Variants in ATR observed in about 807,000 individuals in gnomAD.
ATR encodes serine/threonine-protein kinase ATR.
A neutral mutation model predicts 305.3 loss-of-function variants in ATR; 142 were observed. The observed-to-expected ratio is 0.47, with a 90% CI of 0.41 to 0.53. The LOEUF (loss-of-function observed/expected upper bound fraction) is 0.53, where lower values mean the gene tolerates loss of function less well. Ranked by LOEUF, ATR falls within the 20% of genes least tolerant of loss-of-function variation. The probability of loss-of-function intolerance (pLI) is 0.00; values close to 1 mark genes in which losing one functional copy is unlikely to be tolerated. For missense variants in ATR, 2,135 were observed against 3,133.1 expected (o/e 0.68, Z 7.60); for synonymous variants, 1,050 against 1,068.1 (o/e 0.98, Z 0.33).
intron 36 of ATR, among the ~76,000 whole-genome samples, chr3:142,473,338 C>T (rs1238468393): frequency 2.6e-5 from 4 of 152,066 alleles, no homozygotes; most frequent in African/African-American, 9.7e-5. Context: ...TGTCCCAACA[C>T]CATTTATTGA....
At chr3:142,542,796 G>T in intron 16 of ATR, 39 bp from the exon 17 acceptor site, 1 of 1,456,266 alleles carries the variant, frequency 6.9e-7, no homozygotes, top group Middle Eastern at 1.8e-4. Flanking sequence ...GCTTTATACA[G>T]ATTGAATTTC....
At chr3:142,468,179 A>T in intron 38 of ATR, 111 bp from the exon 39 acceptor site, 2 of 1,295,714 alleles carry the variant, frequency 1.5e-6, no homozygotes, top group Non-Finnish European at 2.1e-6. Flanking sequence ...GAGAGTTTAT[A>T]TGATACAAAT....
intron 46 of ATR, chr3:142,450,264 C>CT (rs1261611695): frequency 1.1e-5 from 8 of 725,002 alleles, no homozygotes; most frequent in Non-Finnish European, 1.7e-5. Flanking sequence ...CAACAGCCAA[C>CT]TTTCCCTTTT....
In ATR at chr3:142,516,865, C is replaced by T. The variant is rs368178920; in HGVS notation, c.4383-1350G>A. On this transcript the variant is annotated intron_variant, in intron 24 of 46. Coordinates refer to ENST00000350721, the MANE Select transcript of ATR (RefSeq NM_001184.4). ...TTAACATTTAAACATGTTCACACAG[C>T]TCTCATCTTACGGCTACCTGTGTGT... Among the ~76,000 whole-genome samples the T allele has an allele frequency of 2.0e-5, 3 of 152,034 alleles. No individual in the cohort carries two copies. The East Asian group carries it at 5.8e-4, about 29-fold the overall frequency.
intron 9 of ATR, 56 bp from the exon 10 acceptor site, chr3:142,556,195 T>C (rs1038410779): frequency 1.3e-6 from 2 of 1,586,498 alleles, no homozygotes; most frequent in East Asian, 4.5e-5. Context: ...GTGGTCTAAA[T>C]AGTCTTGCTT....
chr3:142,490,049 T>C (rs985700133), intron 35 of ATR, among the ~76,000 whole-genome samples: 3 of 152,182 alleles, frequency 2.0e-5, no homozygotes, highest in African/African-American at 7.2e-5. Flanking sequence ...TCCAAGACTT[T>C]TGCAGATCTG....
intron 36 of ATR, among the ~76,000 whole-genome samples, chr3:142,484,825 A>G (rs1403823264): frequency 1.3e-5 from 2 of 152,112 alleles, no homozygotes; most frequent in Non-Finnish European, 2.9e-5. Flanking sequence ...GTGTATGGGG[A>G]AAAAAACCCA....
chr3:142,469,924 G>A (rs1192138583), intron 37 of ATR, among the ~76,000 whole-genome samples, 162 bp downstream of exon 37: 1 of 152,092 alleles, frequency 6.6e-6, no homozygotes, highest in African/African-American at 2.4e-5. Flanking sequence ...TCTATGATTT[G>A]TCTTTCCTTT....
intron 41 of ATR, among the ~76,000 whole-genome samples, chr3:142,464,605 AG>A (rs2071087764): frequency 6.6e-6 from 1 of 152,246 alleles, no homozygotes. Context: ...AATAATGCCA[AG>A]TGATTTAAGC....
In ATR at chr3:142,522,838, C is replaced by T. The variant is rs753896390; in HGVS notation, c.4156G>A (p.Gly1386Arg). 22 of 1,599,844 alleles carry T rather than the reference C, an allele frequency of 1.4e-5. No homozygotes were observed. The highest frequency in any genetic ancestry group is 1.9e-5 in the Non-Finnish European group (22 of 1,167,870). The change falls in exon 23 of 47, where the codon GGA becomes AGA. Residue 1386 changes from glycine (G) to arginine (R), a missense_variant. Physicochemically the swap from Gly to Arg is moderately radical, Grantham distance 125. This residue lies in a region of ATR where 530 missense variants were observed against 766.8 expected (regional missense o/e 0.69). Transcript: ENST00000350721. ...TAGGCAAAGCTTGAATCTTCTACTC[C>T]AGTCTCAATCAGAAAAAAAAAAAAG... ...TQGKDFTFVTGVEDSSFAYGL... is the reference protein window; with the variant it reads ...TQGKDFTFVTRVEDSSFAYGL...
At chr3:142,472,779 A>G (rs2071320947) in intron 36 of ATR, among the ~76,000 whole-genome samples, 2 of 152,260 alleles carry the variant, frequency 1.3e-5, no homozygotes, top group African/African-American at 4.8e-5. Flanking sequence ...CTGGGACTGC[A>G]GGTGCATACC....
intron 3 of ATR, among the ~76,000 whole-genome samples, chr3:142,563,428 C>T (rs1199499793): frequency 6.6e-6 from 1 of 152,164 alleles, no homozygotes; most frequent in Middle Eastern, 3.2e-3. Context: ...ATATTTCAAA[C>T]ATTTTCATTA....
At chr3:142,499,096 G>A in intron 31 of ATR, 1 of 380,860 alleles carries the variant, frequency 2.6e-6, no homozygotes. Flanking sequence ...GCCCAGACTG[G>A]TCTAGAGCTC....
intron 46 of ATR, 181 bp downstream of exon 46, chr3:142,452,947 C>A: frequency 1.4e-6 from 2 of 1,464,042 alleles, no homozygotes; most frequent in South Asian, 1.4e-5. Context: ...GTTAACATTA[C>A]TGACAATAAA....
chr3:142,512,296 G>A lies in ATR; in HGVS notation c.4816C>T (p.His1606Tyr). Residue 1606 changes from histidine (H) to tyrosine (Y), a missense_variant, in exon 27 of 47, where the codon CAC (histidine) becomes TAC (tyrosine). Coordinates refer to ENST00000350721, the MANE Select transcript of ATR (RefSeq NM_001184.4). ...FQALKAEKCP[H>Y]SKSNRNKVDS... ...ACCTTATTTCTGTTTGATTTGCTGT[G>A]TGGACATTTCTCAGCTTTCAGTGCC... 6.2e-7 allele frequency: 1 copy of A among 1,610,492 alleles called. No homozygotes were observed. The highest frequency in any genetic ancestry group is 8.5e-7 in the Non-Finnish European group (1 of 1,178,416).
At chr3:142,509,800 C>A (rs2032453790) in intron 27 of ATR, among the ~76,000 whole-genome samples, 1 of 151,788 alleles carries the variant, frequency 6.6e-6, no homozygotes, top group African/African-American at 2.4e-5. Flanking sequence ...ACTTTTGAAT[C>A]ATTACAAATG....
chr3:142,505,585 A>G (rs532828578), intron 28 of ATR, among the ~76,000 whole-genome samples: 1 of 152,352 alleles, frequency 6.6e-6, no homozygotes, highest in Non-Finnish European at 1.5e-5. Flanking sequence ...AAAACTGTCT[A>G]GATCCAAATG....
chr3:142,465,309 C>T lies in ATR; in HGVS notation c.6898-69G>A, dbSNP rs115906468. On this transcript the variant is annotated intron_variant, in intron 40 of 46. Coordinates refer to ENST00000350721, the MANE Select transcript of ATR (RefSeq NM_001184.4). ...TGTGTAAATGTCTATATATTATAAACCTTGAGTTATGTAAAAAAAAAAAAA... is the reference window on the plus strand; with the variant it reads ...TGTGTAAATGTCTATATATTATAAATCTTGAGTTATGTAAAAAAAAAAAAA... The T allele has an allele frequency of 4.9e-4, 611 of 1,243,120 alleles. 1 individual carries two copies. The African/African-American group carries it at 6.8e-3, about 14-fold the overall frequency. 77.0% of individuals were successfully genotyped at this position (1,243,120 alleles called of 1,614,324 possible).
At chr3:142,521,094 C>A (rs1365824857) in intron 23 of ATR, among the ~76,000 whole-genome samples, 1 of 151,996 alleles carries the variant, frequency 6.6e-6, no homozygotes, top group Non-Finnish European at 1.5e-5. Context: ...ACTATATACC[C>A]ATAAAAATTG....
Sources: allele counts gnomAD v4.1 joint callset (sites outside exome capture counted in the v4.1 genomes callset), GRCh38; gene constraint gnomAD v4.1.1; regional missense constraint gnomAD v4.1.1; transcripts MANE v1.5; gene names NCBI Gene and HGNC (gene_info 2026-07-23, HGNC 2026-07-21).